The following SEZ6L variants were observed in gnomAD, a reference collection of about 807,000 sequenced individuals.
SEZ6L encodes seizure 6-like protein.
A neutral mutation model predicts 106.2 loss-of-function variants in SEZ6L; 37 were observed. The observed-to-expected ratio is 0.35, with a 90% confidence interval of 0.27 to 0.46. SEZ6L has a LOEUF of 0.46. Ranked by LOEUF, SEZ6L falls within the 20% of genes least tolerant of loss-of-function variation. SEZ6L has a pLI of 1.00. For synonymous variants in SEZ6L, 541 were observed against 570.4 expected (o/e 0.95, Z 0.73); for missense variants, 1,172 against 1,332.8 (o/e 0.88, Z 1.88).
Position 26,294,443 on chromosome 22 carries a change from C to A in SEZ6L, c.969+18C>A. The A allele has an allele frequency of 6.2e-7, 1 of 1,610,050 alleles. No individual in the cohort carries two copies. The highest frequency in any genetic ancestry group is 8.5e-7 in the Non-Finnish European group (1 of 1,177,098). ...AGCTCCAGGTAACCCCAGGAGAGTA[C>A]CTCACAGAGGCTGCCTCGTCTAGCA... On this transcript the variant is annotated intron_variant, in intron 3 of 16. Coordinates refer to ENST00000248933, the MANE Select transcript of SEZ6L (RefSeq NM_021115.5).
chr22:26,312,505 T>C (rs5997068), intron 8 of SEZ6L, among the ~76,000 whole-genome samples: 36,350 of 152,026 alleles, frequency 0.24, 5,294 homozygotes, highest in African/African-American at 0.41. Context: ...ATGGAACTCA[T>C]GTCTCTTTGT....
chr22:26,331,908 G>A (rs547667376), intron 9 of SEZ6L, among the ~76,000 whole-genome samples: 1 of 152,082 alleles, frequency 6.6e-6, no homozygotes, highest in African/African-American at 2.4e-5. Context: ...GCTTAAACCC[G>A]GGGAGGGTGG....
intron 10 of SEZ6L, among the ~76,000 whole-genome samples, chr22:26,347,104 G>A (rs1396236515): frequency 6.6e-6 from 1 of 151,932 alleles, no homozygotes; most frequent in African/African-American, 2.4e-5. Flanking sequence ...GCTGAAGTGG[G>A]AGGATCACTT....
At chr22:26,342,438 C>T (rs1480946272) in intron 10 of SEZ6L, among the ~76,000 whole-genome samples, 4 of 151,998 alleles carry the variant, frequency 2.6e-5, no homozygotes, top group Non-Finnish European at 5.9e-5. Flanking sequence ...GCCTGTAATC[C>T]TAGCACTTTG....
intron 1 of SEZ6L, among the ~76,000 whole-genome samples, chr22:26,254,727 A>G (rs1479427554): frequency 6.6e-6 from 1 of 152,216 alleles, no homozygotes; most frequent in African/African-American, 2.4e-5. Context: ...ACTAGCAGTA[A>G]GACCAGAGCA....
rs150868954 is a variant in SEZ6L at position 26,239,721 on chromosome 22, G to T, written c.95-52685G>T. 3.1e-3 allele frequency among the ~76,000 whole-genome samples: 476 copies of T among 152,270 alleles called. 5 individuals carry two copies. Among genetic ancestry groups the T allele is most frequent in the African/African-American group, 0.011 (456 of 41,544 alleles). On this transcript the variant is annotated intron_variant, in intron 1 of 16. Coordinates refer to ENST00000248933, the MANE Select transcript of SEZ6L (RefSeq NM_021115.5). ...CCTGGTTTCTTATCAGCATGGAACAGCTGTGGTTTTCTGACTCACAGAGCC... is the reference window on the plus strand; with the variant it reads ...CCTGGTTTCTTATCAGCATGGAACATCTGTGGTTTTCTGACTCACAGAGCC...
chr22:26,215,502 C>T (rs73879854), intron 1 of SEZ6L, among the ~76,000 whole-genome samples: 2,235 of 152,004 alleles, frequency 0.015, 55 homozygotes, highest in African/African-American at 0.052. Flanking sequence ...AGAGGCGATT[C>T]GTTTTGTTTC....
Position 26,382,565 on chromosome 22 carries a change from A to G in SEZ6L, c.*2270A>G, listed in dbSNP as rs1297670780. On this transcript the variant is annotated 3_prime_UTR_variant, in exon 17 of 17. Transcript: ENST00000248933. ...TCATTGTTGTTTTTTTCAGAAGACC[A>G]GTGTCTCAGTTCTGTCTTAGTAGTA... 6.5e-6 allele frequency: 1 copy of G among 152,850 alleles called. No homozygotes were observed. The highest frequency in any genetic ancestry group is 2.4e-5 in the African/African-American group (1 of 41,422). 9.5% of individuals were successfully genotyped at this position (152,850 alleles called of 1,614,324 possible). A position where few individuals can be genotyped will look rare whatever the true frequency, so the allele number is the denominator to read the frequency against.
intron 1 of SEZ6L, among the ~76,000 whole-genome samples, chr22:26,217,673 A>G (rs780379030): frequency 3.9e-5 from 6 of 152,294 alleles, no homozygotes; most frequent in Middle Eastern, 3.4e-3. Flanking sequence ...TCACTCTTCC[A>G]ATCTGTAAAA....
intron 1 of SEZ6L, among the ~76,000 whole-genome samples, chr22:26,182,784 C>T (rs1415466781): frequency 6.6e-6 from 1 of 151,742 alleles, no homozygotes; most frequent in Non-Finnish European, 1.5e-5. Context: ...AATGGAAGTT[C>T]CAAGCAGAAG....
chr22:26,247,297 T>TTC (rs1158925701), intron 1 of SEZ6L, among the ~76,000 whole-genome samples: 1 of 152,182 alleles, frequency 6.6e-6, no homozygotes, highest in Admixed American at 6.5e-5. Context: ...AGGCAAGTCA[T>TTC]TCCTCCTTTG....
At chr22:26,193,441 C>T (rs1381038945) in intron 1 of SEZ6L, among the ~76,000 whole-genome samples, 1 of 152,140 alleles carries the variant, frequency 6.6e-6, no homozygotes, top group African/African-American at 2.4e-5. Flanking sequence ...AATGGCTGAC[C>T]CTGGCCCAAT....
chr22:26,252,171 T>C (rs2079619155), intron 1 of SEZ6L, among the ~76,000 whole-genome samples: 1 of 152,074 alleles, frequency 6.6e-6, no homozygotes, highest in Non-Finnish European at 1.5e-5. Context: ...AGGTGTCTCA[T>C]GTGCACATTC....
chr22:26,236,816 G>A (rs2078970644), intron 1 of SEZ6L, among the ~76,000 whole-genome samples: 1 of 152,172 alleles, frequency 6.6e-6, no homozygotes, highest in Non-Finnish European at 1.5e-5. Context: ...TCCTGACCAT[G>A]GCCTCTGAGC....
In SEZ6L at chr22:26,318,056, C is replaced by CATTTTATTTTATTTTATTTT. The variant is rs71192913; in HGVS notation, c.2015+4170_2015+4189dup. ...TCTAAAATCATTTAAATTCAATTTC[C>CATTTTATTTTATTTTATTTT]ATTTTATTTTATTTTATTTTATTTT... On this transcript the variant is annotated intron_variant, in intron 9 of 16. Coordinates refer to ENST00000248933, the MANE Select transcript of SEZ6L (RefSeq NM_021115.5). 6.3e-4 allele frequency among the ~76,000 whole-genome samples: 92 copies of CATTTTATTTTATTTTATTTT among 146,716 alleles called. 1 individual carries two copies. The highest frequency in any genetic ancestry group is 1.9e-3 in the African/African-American group (74 of 39,472).
At position 26,292,905 on chromosome 22, in the gene SEZ6L, AC is replaced by A. The variant is rs1297691768; in HGVS notation, c.598del (p.Leu200CysfsTer43). On this transcript the variant is annotated frameshift_variant, in exon 2 of 17. Transcript: ENST00000248933. LOFTEE classifies it high-confidence loss of function. ...KESAVPTTPA[P>X]LQISPFTSQP... ...AGAGTGCGGTCCCTACAACACCCGC[AC>A]CCCTGCAAATCTCCCCCTTCACTTC... 1 of 1,613,670 alleles carries A rather than the reference AC, an allele frequency of 6.2e-7. No homozygotes were observed. Among genetic ancestry groups the A allele is most frequent in the Non-Finnish European group, 8.5e-7 (1 of 1,179,908 alleles).
At chr22:26,200,521 G>T (rs912858077) in intron 1 of SEZ6L, among the ~76,000 whole-genome samples, 8 of 152,124 alleles carry the variant, frequency 5.3e-5, no homozygotes, top group Non-Finnish European at 1.2e-4. Flanking sequence ...ACCTTCCTGG[G>T]CTGAGATCTC....
chr22:26,175,608 TC>T (rs1158953974), intron 1 of SEZ6L, among the ~76,000 whole-genome samples: 1 of 152,186 alleles, frequency 6.6e-6, no homozygotes, highest in East Asian at 1.9e-4. Context: ...TAGGGATTAT[TC>T]TTTCCAGTTG....
At chr22:26,269,334 C>G (rs997701148) in intron 1 of SEZ6L, among the ~76,000 whole-genome samples, 1 of 152,136 alleles carries the variant, frequency 6.6e-6, no homozygotes, top group African/African-American at 2.4e-5. Flanking sequence ...TGGTCTTTTA[C>G]GCGTGTAGGA....
Sources: gnomAD v4.1 joint callset for allele counts (sites outside exome capture counted in the v4.1 genomes callset) on GRCh38, gnomAD v4.1.1 for gene constraint, MANE v1.5 for transcripts, NCBI Gene and HGNC (gene_info 2026-07-23, HGNC 2026-07-21) for gene names.